GAD1: variants seen among roughly 807,000 people sequenced by gnomAD.
GAD1 encodes glutamate decarboxylase 1.
In GAD1, 35 loss-of-function variants were observed where a neutral mutation model predicts 75.2. That is an observed-to-expected ratio of 0.47 (90% CI 0.36 to 0.62). GAD1 has a LOEUF of 0.62. Ranked by LOEUF, GAD1 falls within the 20% of genes least tolerant of loss-of-function variation. The probability of loss-of-function intolerance (pLI) is 0.00; values close to 1 mark genes in which losing one functional copy is unlikely to be tolerated. For synonymous variants in GAD1, 257 were observed against 271.9 expected, an observed-to-expected ratio of 0.95 and a Z score of 0.54; for missense variants, 490 against 758.5, an observed-to-expected ratio of 0.65 and a Z score of 4.16.
At chr2:170,821,177 A>G (rs1206591737) in intron 2 of GAD1, among the ~76,000 whole-genome samples, 3 of 152,132 alleles carry the variant, frequency 2.0e-5, no homozygotes, top group Non-Finnish European at 4.4e-5. Context: ...AGAGATTGGA[A>G]GGGGATTTCG....
rs1299367539 is a variant in GAD1 at position 170,859,909 on chromosome 2, G to T, written c.*27G>T. The stretch of plus-strand genomic sequence containing the variant: ...CATCCTTCGCAGAACATGAGTTTAT[G>T]GGAATGCCTTTTCCCTCTGGCACTC... On this transcript the variant is annotated 3_prime_UTR_variant, in exon 17 of 17. Transcript: ENST00000358196. 1 of 1,610,678 alleles carries T rather than the reference G, an allele frequency of 6.2e-7. No homozygotes were observed. The highest frequency in any genetic ancestry group is 8.5e-7 in the Non-Finnish European group (1 of 1,177,916).
At chr2:170,854,855 C>T (rs186092368) in intron 14 of GAD1, among the ~76,000 whole-genome samples, 1 of 152,268 alleles carries the variant, frequency 6.6e-6, no homozygotes, top group Non-Finnish European at 1.5e-5. Flanking sequence ...TAGATGGTAG[C>T]ATGCTGTGTC....
At position 170,857,042 on chromosome 2, in the gene GAD1, A is replaced by G; in HGVS notation, c.1438A>G (p.Ile480Val). Residue 480 changes from isoleucine to valine, a missense_variant, in exon 15 of 17, where the codon ATC (isoleucine) becomes GTC (valine). Physicochemically the swap from Ile to Val is conservative, Grantham distance 29. Coordinates refer to ENST00000358196, the MANE Select transcript of GAD1 (RefSeq NM_000817.3). ...AKGTVGFENQ[I>V]NKCLELAEYL... Reference sequence around the variant, plus strand: ...GGGCACAGTGGGATTTGAAAACCAGATCAACAAATGCCTGGAACTGGCTGA... The same window carrying G: ...GGGCACAGTGGGATTTGAAAACCAGGTCAACAAATGCCTGGAACTGGCTGA... 1 of 1,613,998 alleles carries G rather than the reference A, an allele frequency of 6.2e-7. No homozygotes were observed. The highest frequency in any genetic ancestry group is 8.5e-7 in the Non-Finnish European group (1 of 1,179,968).
chr2:170,850,763 C>T (rs1040123075), intron 12 of GAD1, among the ~76,000 whole-genome samples: 2 of 152,142 alleles, frequency 1.3e-5, no homozygotes, highest in Non-Finnish European at 2.9e-5. Context: ...CCTGTAATCC[C>T]AGCACTTTGG....
intron 2 of GAD1, among the ~76,000 whole-genome samples, chr2:170,820,426 C>T (rs1701842122): frequency 2.0e-5 from 3 of 152,386 alleles, no homozygotes; most frequent in African/African-American, 7.2e-5. Flanking sequence ...GGGCCCTTAG[C>T]CTAGCTACGC....
chr2:170,821,271 G>A (rs1294661345), intron 2 of GAD1, among the ~76,000 whole-genome samples: 3 of 152,168 alleles, frequency 2.0e-5, no homozygotes, highest in Admixed American at 1.3e-4. Flanking sequence ...GTTGAACCCC[G>A]AAGGCAGCAG....
intron 4 of GAD1, 189 bp downstream of exon 4, chr2:170,829,822 T>G: frequency 1.6e-6 from 1 of 633,128 alleles, no homozygotes; most frequent in Admixed American, 2.9e-5. Context: ...CAGGTCTCCA[T>G]CATTTTGGAA....
intron 6 of GAD1, among the ~76,000 whole-genome samples, chr2:170,838,954 C>T (rs1172174969): frequency 6.6e-6 from 1 of 152,138 alleles, no homozygotes; most frequent in East Asian, 1.9e-4. Flanking sequence ...GTTCTGGAGA[C>T]AAGGCATTGT....
At chr2:170,826,821 C>A (rs571348494) in intron 3 of GAD1, among the ~76,000 whole-genome samples, 9 of 152,114 alleles carry the variant, frequency 5.9e-5, no homozygotes, top group Non-Finnish European at 1.3e-4. Context: ...TCAAGTCTGG[C>A]AAATTCCACA....
At chr2:170,842,653 T>C in intron 6 of GAD1, 2 of 1,614,064 alleles carry the variant, frequency 1.2e-6, no homozygotes, top group Non-Finnish European at 1.7e-6. Flanking sequence ...CCAGAGGTGA[T>C]GGTAACTGCA....
rs993635115 is a variant in GAD1 at position 170,853,574 on chromosome 2, G to A, written c.1264-299G>A. 6.0e-5 allele frequency: 22 copies of A among 366,274 alleles called. No homozygotes were observed. The highest frequency in any genetic ancestry group is 1.2e-4 in the Non-Finnish European group (22 of 191,268). 22.7% of individuals were successfully genotyped at this position (366,274 alleles called of 1,614,324 possible). A position where few individuals can be genotyped will look rare whatever the true frequency, so the allele number is the denominator to read the frequency against. On this transcript the variant is annotated intron_variant, in intron 13 of 16. Transcript: ENST00000358196. This position sits in a 1 kb window ranked among gnomAD's most constrained non-coding sequence, Gnocchi z 4.1. Reference sequence around the variant, plus strand: ...TATCTCTAACCCTGGCCCACTGAATGCCGTAGCACTTCCCAATCTTGAAAC... The same window carrying A: ...TATCTCTAACCCTGGCCCACTGAATACCGTAGCACTTCCCAATCTTGAAAC...
chr2:170,843,104 C>A (rs1702552991), intron 6 of GAD1, among the ~76,000 whole-genome samples: 1 of 152,208 alleles, frequency 6.6e-6, no homozygotes, highest in African/African-American at 2.4e-5. Flanking sequence ...CAAAAAGCCT[C>A]AGAGCTTAGT....
At chr2:170,852,865 C>T in intron 13 of GAD1, 73 bp downstream of exon 13, 2 of 1,293,198 alleles carry the variant, frequency 1.5e-6, no homozygotes, top group Non-Finnish European at 2.2e-6. Flanking sequence ...CACGTGGGGT[C>T]TCTTTGCAGT....
rs374165232 is a variant in GAD1 at position 170,853,908 on chromosome 2, A to C, written c.1299A>C (p.Gly433=). The C allele has an allele frequency of 6.8e-6, 11 of 1,614,162 alleles. No homozygotes were observed. Among genetic ancestry groups the C allele is most frequent in the Non-Finnish European group, 9.3e-6 (11 of 1,180,022 alleles). The change falls in exon 14 of 17, where the codon GGA becomes GGC. Residue 433 remains glycine (G), a synonymous_variant. Coordinates refer to ENST00000358196, the MANE Select transcript of GAD1 (RefSeq NM_000817.3). This position sits in a 1 kb window ranked among gnomAD's most constrained non-coding sequence, Gnocchi z 4.1. ...AAGGATGCAACCAGATGTGTGCAGG[A>C]TACCTCTTCCAGCCAGACAAGCAGT... ...ILQGCNQMCA[G]YLFQPDKQYD...
chr2:170,829,600 A>G lies in GAD1; in HGVS notation c.271A>G (p.Thr91Ala). 1 of 1,613,598 alleles carries G rather than the reference A, an allele frequency of 6.2e-7. No homozygotes were observed. The highest frequency in any genetic ancestry group is 8.5e-7 in the Non-Finnish European group (1 of 1,180,018). ...NSDRDARFRR[T>A]ETDFSNLFAR... ...CGACCGGGATGCCCGCTTCCGGCGC[A>G]CAGAGACTGACTTCTCTAATCTGTT... Residue 91 changes from threonine to alanine, a missense_variant, in exon 4 of 17, where the codon ACA (threonine) becomes GCA (alanine). This residue lies in a region of GAD1 where 165 missense variants were observed against 216.4 expected (regional missense o/e 0.76). Coordinates refer to ENST00000358196, the MANE Select transcript of GAD1 (RefSeq NM_000817.3).
chr2:170,860,235 C>T lies in GAD1; in HGVS notation c.*353C>T, dbSNP rs1332675492. On this transcript the variant is annotated 3_prime_UTR_variant, in exon 17 of 17. Coordinates refer to ENST00000358196, the MANE Select transcript of GAD1 (RefSeq NM_000817.3). ...ACCGAGGAGCTAAACATGCTGCCAA[C>T]CAGCTTGTCCAACAACTCCAGGAAA... The T allele has an allele frequency of 4.6e-6, 1 of 217,168 alleles. No homozygotes were observed. Among genetic ancestry groups the T allele is most frequent in the Non-Finnish European group, 9.3e-6 (1 of 107,110 alleles). The allele number at this position is 217,168 out of a possible 1,614,324, so 13.5% of individuals were successfully genotyped here. A position where few individuals can be genotyped will look rare whatever the true frequency, so the allele number is the denominator to read the frequency against.
chr2:170,820,190 C>T (rs970608552), intron 2 of GAD1, among the ~76,000 whole-genome samples: 55 of 152,062 alleles, frequency 3.6e-4, no homozygotes, highest in Admixed American at 1.4e-3. Flanking sequence ...GGGGGGTTAG[C>T]GGGCAGTTGT....
At chr2:170,851,249 G>C (rs1401563439) in intron 12 of GAD1, among the ~76,000 whole-genome samples, 2 of 152,190 alleles carry the variant, frequency 1.3e-5, no homozygotes, top group East Asian at 3.9e-4. Context: ...CAGACCTTTA[G>C]GATATGCAGA....
upstream of GAD1, chr2:170,816,066 T>C (rs3762554): frequency 0.76 from 98,407 of 128,776 alleles, 34,124 homozygotes; most frequent in Non-Finnish European, 0.81. Flanking sequence ...GTCCGCCCCT[T>C]CCGGGCACCT....
Sources: gnomAD v4.1 joint callset for allele counts (sites outside exome capture counted in the v4.1 genomes callset) on GRCh38, gnomAD v4.1.1 for gene constraint, gnomAD v4.1.1 regional missense constraint, Gnocchi (gnomAD v3.1) non-coding constraint, MANE v1.5 for transcripts, NCBI Gene and HGNC (gene_info 2026-07-23, HGNC 2026-07-21) for gene names.